The following TTN variants were observed in gnomAD, a reference collection of about 807,000 sequenced individuals.
The protein encoded by TTN is connectin.
TTN carries 1,525 observed loss-of-function variants against 3,223.0 expected under a neutral mutation model. That is an observed-to-expected ratio of 0.47 (90% CI 0.45 to 0.49). TTN has a LOEUF of 0.49. Among genes scored for constraint, TTN ranks in the 20% least tolerant of loss-of-function variants. TTN has a pLI of 0.00. For synonymous variants in TTN, 14,094 were observed against 15,161.0 expected (o/e 0.93, Z 5.17); for missense variants, 40,786 against 43,424.0 (o/e 0.94, Z 5.40).
chr2:178,780,714 A>G (rs1176986763), intron 21 of TTN, among the ~76,000 whole-genome samples: 1 of 152,176 alleles, frequency 6.6e-6, no homozygotes, highest in East Asian at 1.9e-4. Flanking sequence ...AGCTCTAGCA[A>G]CACTGAGCCT....
chr2:178,703,331 T>G (rs892215791), intron 106 of TTN, among the ~76,000 whole-genome samples: 6 of 152,156 alleles, frequency 3.9e-5, no homozygotes, highest in Admixed American at 1.3e-4. Context: ...TAAAGAATTA[T>G]ATTAAAAATA....
Position 178,552,739 on chromosome 2 carries a change from G to C in TTN, c.90161C>G (p.Pro30054Arg). ...KTSVILSWTK[P>R]DFDGGSVITE... ...GATGACGCTACCACCATCAAAGTCA[G>C]GTTTGGTCCAGCTGAGGATGACAGA... The change falls in exon 335 of 363, where the codon CCT (proline) becomes CGT (arginine). Residue 30054 changes from proline to arginine, a missense_variant. Pro to Arg is a moderately radical substitution (Grantham distance 103). Transcript: ENST00000589042. 6.2e-7 allele frequency: 1 copy of C among 1,613,944 alleles called. No individual in the cohort carries two copies. The highest frequency in any genetic ancestry group is 1.7e-5 in the Admixed American group (1 of 60,020).
rs764864157 is a variant in TTN at position 178,731,046 on chromosome 2, G to A, written c.17619C>T (p.Val5873=). The change falls in exon 60 of 363, where the codon GTC becomes GTT. Residue 5873 remains valine (V), a synonymous_variant. Coordinates refer to ENST00000589042, the MANE Select transcript of TTN (RefSeq NM_001267550.2). ...LTLGSKYKIS[V]TDTVSILKII... ...TCTTCAGTATTGAGACTGTATCAGT[G>A]ACACTGATTTTATATTTTGAGCCCA... 30 of 1,613,436 alleles carry A rather than the reference G, an allele frequency of 1.9e-5. No homozygotes were observed. In the South Asian group the frequency reaches 3.3e-4, roughly 18 times the overall value.
Position 178,593,884 on chromosome 2 carries a change from T to A in TTN, c.58433-17A>T, listed in dbSNP as rs998696984. ...CAGGACGGTCTGCAGAAAAAAAAAA[T>A]CATGGCACAAAATGTTATTGCCATT... On this transcript the variant is annotated splice_polypyrimidine_tract_variant and intron_variant, in intron 297 of 362. Coordinates refer to ENST00000589042, the MANE Select transcript of TTN (RefSeq NM_001267550.2). 6.2e-7 allele frequency: 1 copy of A among 1,606,986 alleles called. No individual in the cohort carries two copies. The highest frequency in any genetic ancestry group is 8.5e-7 in the Non-Finnish European group (1 of 1,178,092).
In TTN at chr2:178,591,973, C is replaced by G; in HGVS notation, c.59926+5G>C. On this transcript the variant is annotated splice_donor_5th_base_variant and intron_variant, in intron 302 of 362. Transcript: ENST00000589042. ...ATAGTTTTGTATTCAGAGAAAGCAACTTACGGAGAGGATCCAAAGCCTTGA... is the reference window on the plus strand; with the variant it reads ...ATAGTTTTGTATTCAGAGAAAGCAAGTTACGGAGAGGATCCAAAGCCTTGA... 1 of 1,610,702 alleles carries G rather than the reference C, an allele frequency of 6.2e-7. No homozygotes were observed. Among genetic ancestry groups the G allele is most frequent in the Non-Finnish European group, 8.5e-7 (1 of 1,179,016 alleles).
intron 359 of TTN, 42 bp from the exon 360 acceptor site, chr2:178,529,261 G>T: frequency 7.4e-7 from 1 of 1,355,054 alleles, no homozygotes; most frequent in Non-Finnish European, 9.7e-7. Context: ...ATTAGAAAGA[G>T]ACCCCCACCT....
chr2:178,531,228 T>A lies in TTN; in HGVS notation c.105387A>T (p.Ala35129=). 6.2e-7 allele frequency: 1 copy of A among 1,614,000 alleles called. No individual in the cohort carries two copies. The highest frequency in any genetic ancestry group is 8.5e-7 in the Non-Finnish European group (1 of 1,179,872). The part of the protein sequence containing the change: ...TTRKIKTTLA[A]RILTKPRSMT... ...TGGACCGTGGCTTTGTTAGAATTCT[T>A]GCTGCCAAAGTCGTCTTGATCTTTC... Residue 35129 remains alanine (A), a synonymous_variant, in exon 358 of 363, where the codon GCA becomes GCT. Coordinates refer to ENST00000589042, the MANE Select transcript of TTN (RefSeq NM_001267550.2).
At chr2:178,692,885 T>C (rs1179617626) in intron 119 of TTN, among the ~76,000 whole-genome samples, 2 of 152,196 alleles carry the variant, frequency 1.3e-5, no homozygotes, top group Non-Finnish European at 2.9e-5. Flanking sequence ...AAGTTAGTTT[T>C]TTTTTTTGTA....
intron 111 of TTN, 49 bp downstream of exon 111, chr2:178,701,071 A>G: frequency 6.3e-7 from 1 of 1,584,390 alleles, no homozygotes; most frequent in South Asian, 1.1e-5. Flanking sequence ...TTTTCGGGTC[A>G]GCAGAGTGAA....
chr2:178,665,226 T>C, intron 165 of TTN, 151 bp downstream of exon 165: 1 of 811,776 alleles, frequency 1.2e-6, no homozygotes, highest in East Asian at 2.7e-5. Context: ...ATAATTTCTT[T>C]TTAGAGGAAA....
chr2:178,670,323 T>A, intron 156 of TTN, 28 bp from the exon 157 acceptor site: 1 of 1,317,992 alleles, frequency 7.6e-7, no homozygotes, highest in Non-Finnish European at 9.9e-7. Context: ...ATAATTTCTT[T>A]TATTTTTAAA....
chr2:178,628,175 T>C (rs569086801), intron 240 of TTN, among the ~76,000 whole-genome samples: 6 of 152,212 alleles, frequency 3.9e-5, no homozygotes, highest in Non-Finnish European at 5.9e-5. Flanking sequence ...GTAATCACTT[T>C]AGTGGAATAC....
chr2:178,582,694 T>C (rs2048055001), intron 313 of TTN, 102 bp from the exon 314 acceptor site: 8 of 1,213,846 alleles, frequency 6.6e-6, no homozygotes, highest in Non-Finnish European at 7.8e-6. Context: ...CAATTTCCTA[T>C]ATGACCTAGG....
rs376189903 is a variant in TTN at position 178,706,925 on chromosome 2, T to C, written c.29071A>G (p.Lys9691Glu). ...AAGAGTCTTCCATCTACCGCAGCTT[T>C]CTTGGTTGCTGGGGCCACAGCTGGT... ...DKPAVAPATKKAAVDGRLFFV... is the reference protein window; with the variant it reads ...DKPAVAPATKEAAVDGRLFFV... Residue 9691 changes from lysine to glutamate, a missense_variant, in exon 101 of 363, where the codon AAA becomes GAA. Coordinates refer to ENST00000589042, the MANE Select transcript of TTN (RefSeq NM_001267550.2). 1.9e-6 allele frequency: 3 copies of C among 1,611,588 alleles called. No homozygotes were observed. The African/African-American group carries it at 4.0e-5, about 22-fold the overall frequency.
In TTN at chr2:178,607,482, G is replaced by T. The variant is rs571702144; in HGVS notation, c.53206C>A (p.Arg17736=). The part of the protein sequence containing the change: ...KSELIIKDAL[R]KDHGRYVITA... ...ATCACATATCTGCCATGGTCTTTTC[G>T]CAGTGCATCCTTGATAATTAGTTCA... The change falls in exon 277 of 363, where the codon CGA becomes AGA. Residue 17736 remains arginine (R), a synonymous_variant. Transcript: ENST00000589042. The T allele has an allele frequency of 2.5e-6, 4 of 1,613,010 alleles. No individual in the cohort carries two copies. In the African/African-American group the frequency reaches 4.0e-5, roughly 16 times the overall value.
At position 178,622,698 on chromosome 2, in the gene TTN, T is replaced by C; in HGVS notation, c.44885A>G (p.Glu14962Gly). The C allele has an allele frequency of 6.2e-7, 1 of 1,607,376 alleles. No individual in the cohort carries two copies. The highest frequency in any genetic ancestry group is 1.1e-5 in the South Asian group (1 of 89,784). Reference sequence around the variant, plus strand: ...AGCATTTTCTCGGGAAAGTTCACACTCAAATCGAGCCATTTCTTTTTCTCT... The same window carrying C: ...AGCATTTTCTCGGGAAAGTTCACACCCAAATCGAGCCATTTCTTTTTCTCT... ...QVREKEMARF[E>G]CELSRENAKV... Residue 14962 changes from glutamate to glycine, a missense_variant, in exon 243 of 363, where the codon GAG becomes GGG. Transcript: ENST00000589042.
In TTN at chr2:178,568,429, A is replaced by T. The variant is rs765603724; in HGVS notation, c.77703T>A (p.Asp25901Glu). Residue 25901 changes from aspartate to glutamate, a missense_variant, in exon 326 of 363, where the codon GAT becomes GAA. Physicochemically the swap from Asp to Glu is conservative, Grantham distance 45. Transcript: ENST00000589042. ...PDPPKGPVKF[D>E]DVSAESITLS... ...ATGTAATACTTTCAGCACTGACGTCATCAAATTTAACAGGTCCTTTTGGAG... is the reference window on the plus strand; with the variant it reads ...ATGTAATACTTTCAGCACTGACGTCTTCAAATTTAACAGGTCCTTTTGGAG... 3 of 1,613,164 alleles carry T rather than the reference A, an allele frequency of 1.9e-6. No homozygotes were observed. The highest frequency in any genetic ancestry group is 2.5e-6 in the Non-Finnish European group (3 of 1,179,572).
Position 178,689,533 on chromosome 2 carries a change from CCT to C in TTN, c.31907_31908del (p.Glu10636GlyfsTer17). On this transcript the variant is annotated frameshift_variant, in exon 123 of 363. Coordinates refer to ENST00000589042, the MANE Select transcript of TTN (RefSeq NM_001267550.2). LOFTEE classifies it high-confidence loss of function. ...EEKITIVTQR[E>X]ESPPPAVPEI... ...TAAGTACCTGCTGGTGGTGGAGATT[CCT>C]CTCTTTGAGTTACAATGGTTATTTT... is the stretch of plus-strand genomic sequence containing the variant. 6.2e-7 allele frequency: 1 copy of C among 1,610,148 alleles called. No homozygotes were observed. Among genetic ancestry groups the C allele is most frequent in the African/African-American group, 1.3e-5 (1 of 75,012 alleles).
chr2:178,779,131 C>A lies in TTN; in HGVS notation c.3964-13G>T. 6.2e-7 allele frequency: 1 copy of A among 1,613,464 alleles called. No homozygotes were observed. Among genetic ancestry groups the A allele is most frequent in the Admixed American group, 1.7e-5 (1 of 59,968 alleles). ...TGTACCAAGCAATCTGCAAAGAATA[C>A]CATGCATGTATGAATAAAATTTACA... On this transcript the variant is annotated splice_polypyrimidine_tract_variant and intron_variant, in intron 23 of 362. Coordinates refer to ENST00000589042, the MANE Select transcript of TTN (RefSeq NM_001267550.2).
Sources: gnomAD v4.1 joint callset for allele counts (sites outside exome capture counted in the v4.1 genomes callset) on GRCh38, gnomAD v4.1.1 for gene constraint, MANE v1.5 for transcripts, NCBI Gene and HGNC (gene_info 2026-07-23, HGNC 2026-07-21) for gene names.